FAF1: variants seen among roughly 807,000 people sequenced by gnomAD.
FAF1 encodes FAS-associated factor 1.
Under a neutral mutation model 92.5 loss-of-function variants are expected in FAF1, and 25 were observed. The ratio of observed to expected loss-of-function variants is 0.27; its 90% CI spans 0.20 to 0.38. The LOEUF (loss-of-function observed/expected upper bound fraction) is 0.38. Ranked by LOEUF, FAF1 falls within the 10% of genes least tolerant of loss-of-function variation. The pLI is 1.00. For missense variants in FAF1, 636 were observed against 793.3 expected, an observed-to-expected ratio of 0.80 and a Z score of 2.38; for synonymous variants, 234 against 273.2, an observed-to-expected ratio of 0.86 and a Z score of 1.42.
At chr1:50,888,475 C>T (rs1353546028) in intron 1 of FAF1, among the ~76,000 whole-genome samples, 1 of 152,126 alleles carries the variant, frequency 6.6e-6, no homozygotes, top group Non-Finnish European at 1.5e-5. Flanking sequence ...GGAATGCTTC[C>T]AGTTTTTGCC....
intron 2 of FAF1, among the ~76,000 whole-genome samples, chr1:50,807,469 T>C (rs1662251760): frequency 6.6e-6 from 1 of 151,890 alleles, no homozygotes; most frequent in Admixed American, 6.6e-5. Flanking sequence ...CCACACACTT[T>C]TAAACTATCA....
chr1:50,547,106 T>C (rs1429072826), intron 13 of FAF1, among the ~76,000 whole-genome samples: 3 of 151,948 alleles, frequency 2.0e-5, no homozygotes, highest in Admixed American at 1.3e-4. Context: ...TTGCTCAGGC[T>C]GGTCTTGAAC....
At chr1:50,713,773 CTTTT>C (rs58832551) in intron 6 of FAF1, among the ~76,000 whole-genome samples, 2 of 119,534 alleles carry the variant, frequency 1.7e-5, no homozygotes, top group Admixed American at 9.1e-5. Context: ...AATGTAAAAG[CTTTT>C]TTTTTTTTTT....
At chr1:50,612,433 AT>A in intron 8 of FAF1, 1 of 1,130,336 alleles carries the variant, frequency 8.8e-7, no homozygotes, top group South Asian at 1.9e-5. Flanking sequence ...ATCAGTGGTC[AT>A]TTCAGCTCAT....
chr1:50,780,710 A>T, intron 4 of FAF1: 1 of 270,900 alleles, frequency 3.7e-6, no homozygotes, highest in Non-Finnish European at 7.4e-6. Flanking sequence ...TCATCACAGA[A>T]ATCCTCAAGT....
At chr1:50,931,368 G>A (rs538281650) in intron 1 of FAF1, among the ~76,000 whole-genome samples, 12 of 151,978 alleles carry the variant, frequency 7.9e-5, no homozygotes, top group African/African-American at 2.4e-4. Context: ...TTGTTTTCAC[G>A]CTGCTGATAA....
At chr1:50,675,341 A>AT (rs1414623444) in intron 7 of FAF1, among the ~76,000 whole-genome samples, 1 of 152,206 alleles carries the variant, frequency 6.6e-6, no homozygotes, top group Non-Finnish European at 1.5e-5. Context: ...GAAAATGCAA[A>AT]TTTCAAGAGC....
At chr1:50,483,506 T>C (rs1409355550) in intron 17 of FAF1, among the ~76,000 whole-genome samples, 1 of 152,208 alleles carries the variant, frequency 6.6e-6, no homozygotes. Context: ...TCAATCTCTA[T>C]AGAAAATCTT....
In FAF1 at chr1:50,759,871, G is replaced by C. The variant is rs147339564; in HGVS notation, c.368-15096C>G. On this transcript the variant is annotated intron_variant, in intron 4 of 18. Coordinates refer to ENST00000396153, the MANE Select transcript of FAF1 (RefSeq NM_007051.3). ...AACTGGTGTGAGATGGTAACTCATTGTGGTTTTGATTTGCATTTTTCTGGT... is the reference window on the plus strand; with the variant it reads ...AACTGGTGTGAGATGGTAACTCATTCTGGTTTTGATTTGCATTTTTCTGGT... Among the ~76,000 whole-genome samples the C allele has an allele frequency of 1.0e-3, 153 of 152,326 alleles. 4 individuals are homozygous for C. Among genetic ancestry groups the C allele is most frequent in the Non-Finnish European group, 4.4e-5 (3 of 68,030 alleles).
intron 1 of FAF1, among the ~76,000 whole-genome samples, chr1:50,899,569 C>T (rs1178915538): frequency 7.9e-5 from 12 of 152,190 alleles, no homozygotes; most frequent in Admixed American, 7.9e-4. Flanking sequence ...TCTCCTGCCT[C>T]AGCCTCCCGA....
At chr1:50,749,355 G>A (rs1659754245) in intron 4 of FAF1, among the ~76,000 whole-genome samples, 1 of 152,114 alleles carries the variant, frequency 6.6e-6, no homozygotes, top group South Asian at 2.1e-4. Context: ...AAAACAAGAA[G>A]GGACTTTAAC....
intron 8 of FAF1, among the ~76,000 whole-genome samples, chr1:50,641,263 A>G (rs554961398): frequency 9.9e-5 from 15 of 152,006 alleles, no homozygotes; most frequent in African/African-American, 2.9e-4. Flanking sequence ...TTCTTTTTCT[A>G]TCTTCTTCAG....
At chr1:50,769,595 C>T (rs1035367408) in intron 4 of FAF1, among the ~76,000 whole-genome samples, 2 of 152,226 alleles carry the variant, frequency 1.3e-5, no homozygotes, top group Admixed American at 1.3e-4. Flanking sequence ...GCTAATCCTT[C>T]ATGATCAAGT....
intron 1 of FAF1, among the ~76,000 whole-genome samples, chr1:50,943,314 C>A (rs1376194934): frequency 1.3e-5 from 2 of 152,154 alleles, no homozygotes; most frequent in African/African-American, 2.4e-5. Context: ...GAATCCCACA[C>A]CCAAATAAGA....
intron 2 of FAF1, among the ~76,000 whole-genome samples, chr1:50,818,887 C>T (rs933541340): frequency 1.3e-5 from 2 of 151,604 alleles, no homozygotes; most frequent in East Asian, 1.9e-4. Context: ...AGTCTAAATA[C>T]AAATTCATTT....
intron 1 of FAF1, among the ~76,000 whole-genome samples, chr1:50,870,301 C>T (rs1267531623): frequency 6.6e-6 from 1 of 152,078 alleles, no homozygotes; most frequent in African/African-American, 2.4e-5. Flanking sequence ...TACTAAAATA[C>T]AAAAAATTAG....
At chr1:50,955,964 G>T (rs1449835341) in intron 1 of FAF1, among the ~76,000 whole-genome samples, 1 of 152,154 alleles carries the variant, frequency 6.6e-6, no homozygotes, top group East Asian at 1.9e-4. Context: ...TAGAAAGTAG[G>T]ATGGTGGTTG....
chr1:50,792,933 A>G (rs1048495378), intron 3 of FAF1, among the ~76,000 whole-genome samples: 1 of 152,242 alleles, frequency 6.6e-6, no homozygotes, highest in East Asian at 1.9e-4. Flanking sequence ...TGTGATGTAC[A>G]AGACCTGCAG....
At chr1:50,532,701 C>T (rs531728539) in intron 15 of FAF1, among the ~76,000 whole-genome samples, 1 of 152,062 alleles carries the variant, frequency 6.6e-6, no homozygotes, top group Non-Finnish European at 1.5e-5. Flanking sequence ...TAGAAGATAC[C>T]TAGTGAGCAT....
Sources: gnomAD v4.1 joint callset for allele counts (sites outside exome capture counted in the v4.1 genomes callset) on GRCh38, gnomAD v4.1.1 for gene constraint, MANE v1.5 for transcripts, NCBI Gene and HGNC (gene_info 2026-07-23, HGNC 2026-07-21) for gene names.